The following ANKFN1 variants were observed in gnomAD, a reference collection of about 807,000 sequenced individuals.
ANKFN1 encodes the protein ankyrin repeat and fibronectin type-III domain-containing protein 1.
A neutral mutation model predicts 108.7 loss-of-function variants in ANKFN1; 74 were observed. The observed-to-expected ratio is 0.68, with a 90% CI of 0.56 to 0.83. The LOEUF is 0.83. ANKFN1 is among the 40% of genes least tolerant of loss of function. The probability of loss-of-function intolerance (pLI) is 0.00; values close to 1 mark genes in which losing one functional copy is unlikely to be tolerated. For missense variants in ANKFN1, 1,505 were observed against 1,382.3 expected (o/e 1.09, Z -1.41); for synonymous variants, 547 against 516.2 (o/e 1.06, Z -0.81).
At chr17:56,346,951 C>G (rs894079798) in intron 4 of ANKFN1, among the ~76,000 whole-genome samples, 2 of 151,932 alleles carry the variant, frequency 1.3e-5, no homozygotes, top group Admixed American at 1.3e-4. Flanking sequence ...ATCTCTGTGA[C>G]TTTGGGCACC....
intron 4 of ANKFN1, among the ~76,000 whole-genome samples, chr17:56,100,279 G>GA (rs1240389451): frequency 2.0e-5 from 3 of 152,166 alleles, no homozygotes; most frequent in South Asian, 2.1e-4. Context: ...TGAGATTGTG[G>GA]AAGGAGCCTG....
intron 8 of ANKFN1, among the ~76,000 whole-genome samples, chr17:56,385,072 C>T (rs2047220912): frequency 6.6e-6 from 1 of 151,416 alleles, no homozygotes; most frequent in African/African-American, 2.4e-5. Context: ...TCAAACTATA[C>T]TACAAGGCTA....
chr17:56,138,250 C>T (rs973312399), intron 4 of ANKFN1, among the ~76,000 whole-genome samples: 1 of 152,206 alleles, frequency 6.6e-6, no homozygotes, highest in South Asian at 2.1e-4. Flanking sequence ...GGATATATAG[C>T]GGGGCTTTGT....
At chr17:56,146,144 T>A (rs1267421289) in intron 4 of ANKFN1, among the ~76,000 whole-genome samples, 1 of 152,192 alleles carries the variant, frequency 6.6e-6, no homozygotes. Flanking sequence ...CCCCTTTGAC[T>A]CCATGTGTCA....
intron 11 of ANKFN1, among the ~76,000 whole-genome samples, chr17:56,450,050 A>ACATGAAGTT (rs2049431628): frequency 6.6e-6 from 1 of 152,202 alleles, no homozygotes; most frequent in South Asian, 2.1e-4. Context: ...ATTAAAGCCT[A>ACATGAAGTT]CATGAAGTTT....
Position 56,350,770 on chromosome 17 carries a change from TGTC to T in ANKFN1, c.196_198del (p.Arg66del). 6.2e-7 allele frequency: 1 copy of T among 1,613,550 alleles called. No individual in the cohort carries two copies. Among genetic ancestry groups the T allele is most frequent in the Non-Finnish European group, 8.5e-7 (1 of 1,179,640 alleles). ...ATCGGACTTTCCTCTTCTTAGGAAT[TGTC>T]GTGTGAAAATGACGCAACAAATGCA... On this transcript the variant is annotated inframe_deletion, in exon 5 of 21. Coordinates refer to ENST00000682825, the MANE Select transcript of ANKFN1 (RefSeq NM_001370326.1).
chr17:56,479,299 A>G (rs1160396366), intron 16 of ANKFN1, among the ~76,000 whole-genome samples: 1 of 152,156 alleles, frequency 6.6e-6, no homozygotes, highest in Non-Finnish European at 1.5e-5. Flanking sequence ...CCTACCGGTA[A>G]TTTATTTTCT....
At chr17:56,396,854 A>G (rs1318120941) in intron 8 of ANKFN1, among the ~76,000 whole-genome samples, 3 of 152,058 alleles carry the variant, frequency 2.0e-5, no homozygotes, top group Non-Finnish European at 4.4e-5. Flanking sequence ...CCTCTTAAGG[A>G]CTACACTATC....
intron 1 of ANKFN1, chr17:56,195,314 ACT>A (rs1186025223): frequency 6.6e-6 from 1 of 152,062 alleles, no homozygotes; most frequent in Non-Finnish European, 1.5e-5. Context: ...CCCTCTCTAG[ACT>A]CTATGCTTCT....
chr17:56,444,980 C>T (rs745446141), intron 10 of ANKFN1, among the ~76,000 whole-genome samples: 13 of 152,156 alleles, frequency 8.5e-5, no homozygotes, highest in Admixed American at 2.0e-4. Context: ...CTTGGACCAC[C>T]GATGCCTGAG....
At chr17:56,046,996 T>A (rs1904690203) in intron 4 of ANKFN1, among the ~76,000 whole-genome samples, 1 of 152,194 alleles carries the variant, frequency 6.6e-6, no homozygotes, top group South Asian at 2.1e-4. Flanking sequence ...TCTTTTTTTT[T>A]AAATTAAGCC....
intron 20 of ANKFN1, among the ~76,000 whole-genome samples, chr17:56,500,288 C>A (rs993726473): frequency 2.0e-5 from 3 of 152,120 alleles, no homozygotes; most frequent in African/African-American, 7.2e-5. Context: ...AAGTTTGTGT[C>A]TGCACCTATA....
upstream of ANKFN1, among the ~76,000 whole-genome samples, chr17:56,153,148 A>G (rs56275240): frequency 2.9e-3 from 443 of 152,140 alleles, 1 homozygote; most frequent in Non-Finnish European, 5.2e-3. Context: ...TTTCAGATAT[A>G]CTTTCGAATC....
intron 3 of ANKFN1, among the ~76,000 whole-genome samples, chr17:56,260,077 T>C (rs970863638): frequency 2.0e-5 from 3 of 152,130 alleles, no homozygotes; most frequent in Non-Finnish European, 2.9e-5. Context: ...TAGGCAAAAA[T>C]AGATTTATCT....
At chr17:56,049,343 G>C (rs1333946697) in intron 4 of ANKFN1, among the ~76,000 whole-genome samples, 1 of 152,200 alleles carries the variant, frequency 6.6e-6, no homozygotes, top group Non-Finnish European at 1.5e-5. Context: ...GGAAATAACA[G>C]TGTCTTGGGA....
rs983101556 is a variant in ANKFN1 at position 56,083,550 on chromosome 17, G to A, written c.288+37225G>A. Reference sequence around the variant, plus strand: ...TAGCTATTGAACTTAAACCAAACTGGCTCTTGAAATGATTCTTTTGACAGA... The same window carrying A: ...TAGCTATTGAACTTAAACCAAACTGACTCTTGAAATGATTCTTTTGACAGA... On this transcript the variant is annotated intron_variant, in intron 4 of 12. Coordinates refer to the ANKFN1 transcript ENST00000635860. 2.6e-5 allele frequency among the ~76,000 whole-genome samples: 4 copies of A among 151,406 alleles called. 1 individual carries two copies. Among genetic ancestry groups the A allele is most frequent in the African/African-American group, 9.7e-5 (4 of 41,240 alleles).
chr17:56,120,142 A>G (rs1418941386), intron 4 of ANKFN1, among the ~76,000 whole-genome samples: 2 of 152,140 alleles, frequency 1.3e-5, no homozygotes, highest in Non-Finnish European at 2.9e-5. Context: ...CATTTCGATT[A>G]CATTACTCAG....
intron 8 of ANKFN1, among the ~76,000 whole-genome samples, chr17:56,376,054 A>G (rs1199088097): frequency 6.6e-6 from 1 of 152,240 alleles, no homozygotes; most frequent in Non-Finnish European, 1.5e-5. Context: ...AAAAGCTGAT[A>G]AAGCTCTCCA....
At chr17:56,153,611 G>A (rs1044269866) in intron 1 of ANKFN1, 81 bp downstream of exon 1, 2 of 1,564,994 alleles carry the variant, frequency 1.3e-6, no homozygotes, top group Non-Finnish European at 1.8e-6. Context: ...GAAAATGTGA[G>A]TTGAGTGGGC....
Sources: gnomAD v4.1 joint callset for allele counts (sites outside exome capture counted in the v4.1 genomes callset) on GRCh38, gnomAD v4.1.1 for gene constraint, MANE v1.5 for transcripts, NCBI Gene and HGNC (gene_info 2026-07-23, HGNC 2026-07-21) for gene names.